Variants in DTNA observed in about 807,000 individuals in gnomAD.
The protein encoded by DTNA is dystrophin-related protein 3.
DTNA carries 43 observed loss-of-function variants against 100.7 expected under a neutral mutation model. That is an observed-to-expected ratio of 0.43 (90% confidence interval 0.33 to 0.55). The LOEUF is 0.55. Ranked by LOEUF, DTNA falls within the 20% of genes least tolerant of loss-of-function variation. The pLI is 0.04. For synonymous variants in DTNA, 349 were observed against 347.9 expected, an observed-to-expected ratio of 1.00 and a Z score of -0.04; for missense variants, 798 against 953.9, an observed-to-expected ratio of 0.84 and a Z score of 2.15.
At chr18:34,769,725 C>T (rs1160524563) in intron 3 of DTNA, among the ~76,000 whole-genome samples, 261 of 53,798 alleles carry the variant, frequency 4.9e-3, no homozygotes, top group Middle Eastern at 0.012. Context: ...CCCTCTGGGG[C>T]TTTTTTTTTT....
chr18:34,779,996 C>T (rs1351764876), intron 3 of DTNA, among the ~76,000 whole-genome samples: 18 of 152,178 alleles, frequency 1.2e-4, no homozygotes. Context: ...ATTCCCCTCT[C>T]ATGCTTTGCT....
rs145179400 is a variant in DTNA at position 34,615,304 on chromosome 18, C to T, written c.-2+121790C>T. ...GGACAGCACCAAGCCATGAGGAATG[C>T]GCCCCCATGACCCAAACACCTCCAA... On this transcript the variant is annotated intron_variant, in intron 1 of 19. Transcript: ENST00000283365. 2.4e-3 allele frequency among the ~76,000 whole-genome samples: 364 copies of T among 152,268 alleles called. 1 individual carries two copies. The highest frequency in any genetic ancestry group is 3.4e-3 in the Non-Finnish European group (232 of 68,008).
At position 34,891,844 on chromosome 18, in the gene DTNA, G is replaced by A. The variant is rs1048393686; in HGVS notation, c.*4110G>A. Reference sequence around the variant, plus strand: ...ATTACTGAATAAATGAATTAGTGGTGTTTGGTTTGTTTTTTTTTCTAGAGC... The same window carrying A: ...ATTACTGAATAAATGAATTAGTGGTATTTGGTTTGTTTTTTTTTCTAGAGC... On this transcript the variant is annotated 3_prime_UTR_variant, in exon 23 of 23. Coordinates refer to ENST00000444659, the MANE Select transcript of DTNA (RefSeq NM_001386795.1). 2.0e-5 allele frequency: 3 copies of A among 151,322 alleles called. No homozygotes were observed. The highest frequency in any genetic ancestry group is 4.9e-5 in the African/African-American group (2 of 41,098). 9.4% of individuals were successfully genotyped at this position (151,322 alleles called of 1,614,324 possible).
At chr18:34,848,418 C>T (rs762828894) in intron 14 of DTNA, 35 bp downstream of exon 14, 1 of 1,600,248 alleles carries the variant, frequency 6.2e-7, no homozygotes, top group South Asian at 1.1e-5. Context: ...CGTCTGTTGG[C>T]ATCTGGGATC....
At chr18:34,577,578 T>A (rs2048225396) in intron 1 of DTNA, among the ~76,000 whole-genome samples, 1 of 152,156 alleles carries the variant, frequency 6.6e-6, no homozygotes, top group African/African-American at 2.4e-5. Context: ...CTTTTATCCC[T>A]CACCCTCTTT....
At chr18:34,656,873 T>C (rs2074451334) in intron 1 of DTNA, among the ~76,000 whole-genome samples, 1 of 152,110 alleles carries the variant, frequency 6.6e-6, no homozygotes, top group Non-Finnish European at 1.5e-5. Context: ...TGCATAGCCT[T>C]TTTTTGTTTG....
intron 13 of DTNA, among the ~76,000 whole-genome samples, chr18:34,842,124 C>A (rs189224827): frequency 4.6e-5 from 7 of 152,234 alleles, no homozygotes; most frequent in Admixed American, 3.9e-4. Flanking sequence ...AATTCCTGGG[C>A]TTGCTAGTTT....
In DTNA at chr18:34,863,950, G is replaced by T. The variant is rs2150150416; in HGVS notation, c.1647-16G>T. 1 of 1,601,818 alleles carries T rather than the reference G, an allele frequency of 6.2e-7. No individual in the cohort carries two copies. The highest frequency in any genetic ancestry group is 8.5e-7 in the Non-Finnish European group (1 of 1,173,244). ...GAGTTGCATGCCGCTTCTGATGTCA[G>T]CTGCTTCTTTCTTAGACAGCGCAAA... On this transcript the variant is annotated splice_polypyrimidine_tract_variant and intron_variant, in intron 16 of 22. Transcript: ENST00000444659.
At chr18:34,817,042 C>T (rs1319977503) in intron 7 of DTNA, among the ~76,000 whole-genome samples, 2 of 152,312 alleles carry the variant, frequency 1.3e-5, no homozygotes, top group Non-Finnish European at 2.9e-5. Flanking sequence ...TTACTGTTTA[C>T]AGTTCTAGAA....
intron 1 of DTNA, among the ~76,000 whole-genome samples, chr18:34,639,803 C>T (rs2059070322): frequency 6.6e-6 from 1 of 152,156 alleles, no homozygotes; most frequent in Non-Finnish European, 1.5e-5. Context: ...TTATTCTGCT[C>T]CCATGGAGTC....
intron 1 of DTNA, among the ~76,000 whole-genome samples, chr18:34,650,395 G>T (rs2060304807): frequency 6.6e-6 from 1 of 152,168 alleles, no homozygotes; most frequent in Non-Finnish European, 1.5e-5. Flanking sequence ...GAGTGTGAGT[G>T]TGTGTGTGCA....
intron 4 of DTNA, among the ~76,000 whole-genome samples, chr18:34,800,779 C>G (rs2095176352): frequency 6.6e-6 from 1 of 152,108 alleles, no homozygotes; most frequent in African/African-American, 2.4e-5. Context: ...AACAGGAAAC[C>G]CTGTTGGCAA....
chr18:34,722,700 C>G (rs2085630461), intron 1 of DTNA, among the ~76,000 whole-genome samples: 1 of 151,884 alleles, frequency 6.6e-6, no homozygotes, highest in African/African-American at 2.4e-5. Context: ...CCTCAAGCTC[C>G]TTGGTAATGC....
At chr18:34,607,315 C>A (rs2053332786) in intron 1 of DTNA, among the ~76,000 whole-genome samples, 1 of 152,084 alleles carries the variant, frequency 6.6e-6, no homozygotes, top group Non-Finnish European at 1.5e-5. Flanking sequence ...AAATTGATCA[C>A]TCTGGATGGT....
chr18:34,657,238 C>T (rs1214982363), intron 1 of DTNA, among the ~76,000 whole-genome samples: 1 of 152,130 alleles, frequency 6.6e-6, no homozygotes, highest in Non-Finnish European at 1.5e-5. Context: ...CCATTGGAAT[C>T]AGATAATGTA....
At chr18:34,843,244 G>T (rs2096305235) in intron 13 of DTNA, among the ~76,000 whole-genome samples, 2 of 152,130 alleles carry the variant, frequency 1.3e-5, no homozygotes, top group Admixed American at 1.3e-4. Context: ...GCTTTGTGTA[G>T]TGGTAGACAT....
intron 11 of DTNA, among the ~76,000 whole-genome samples, chr18:34,829,964 G>C (rs1602886110): frequency 6.6e-6 from 1 of 152,160 alleles, no homozygotes; most frequent in African/African-American, 2.4e-5. Flanking sequence ...TTTCCCCCCA[G>C]GGAGGGAAGT....
At chr18:34,525,970 T>A (rs145956756) in intron 1 of DTNA, among the ~76,000 whole-genome samples, 3 of 152,316 alleles carry the variant, frequency 2.0e-5, no homozygotes, top group African/African-American at 7.2e-5. Flanking sequence ...TCTTGTAGTT[T>A]ACTTAGTGTC....
Position 34,829,496 on chromosome 18 carries a change from A to T in DTNA, c.1175+7A>T, listed in dbSNP as rs1167121901. The T allele has an allele frequency of 6.6e-7, 1 of 1,509,454 alleles. No homozygotes were observed. Among genetic ancestry groups the T allele is most frequent in the Admixed American group, 2.0e-5 (1 of 49,310 alleles). The allele number at this position is 1,509,454 out of a possible 1,614,324, so 93.5% of individuals were successfully genotyped here. A position where few individuals can be genotyped will look rare whatever the true frequency, so the allele number is the denominator to read the frequency against. ...AGCTTGATCACGGTGCACGGTCAGT[A>T]TCCCAGCCCTGAATTGCTAATCGTA... On this transcript the variant is annotated splice_region_variant and intron_variant, in intron 11 of 22. Coordinates refer to ENST00000444659, the MANE Select transcript of DTNA (RefSeq NM_001386795.1).
Sources: gnomAD v4.1 joint callset for allele counts (sites outside exome capture counted in the v4.1 genomes callset) on GRCh38, gnomAD v4.1.1 for gene constraint, MANE v1.5 for transcripts, NCBI Gene and HGNC (gene_info 2026-07-23, HGNC 2026-07-21) for gene names.